The following EEA1 variants were observed in gnomAD, a reference collection of about 807,000 sequenced individuals.
EEA1 encodes early endosome antigen 1, 162kD.
A neutral mutation model predicts 209.2 loss-of-function variants in EEA1; 111 were observed. The observed-to-expected ratio is 0.53, with a 90% CI of 0.45 to 0.62. The LOEUF is 0.62. Among genes scored for constraint, EEA1 ranks in the 20% least tolerant of loss-of-function variants. The pLI is 0.00. For missense variants in EEA1, 1,343 were observed against 1,530.8 expected (o/e 0.88, Z 2.05); for synonymous variants, 536 against 540.6 (o/e 0.99, Z 0.12).
At chr12:92,835,125 C>T (rs888535445) in intron 10 of EEA1, among the ~76,000 whole-genome samples, 3 of 151,950 alleles carry the variant, frequency 2.0e-5, no homozygotes, top group Admixed American at 6.6e-5. Flanking sequence ...TCATGATCCG[C>T]CCACCTCGGC....
intron 1 of EEA1, among the ~76,000 whole-genome samples, chr12:92,910,325 C>T (rs141930812): frequency 1.0e-3 from 156 of 151,540 alleles, no homozygotes; most frequent in African/African-American, 3.6e-3. Flanking sequence ...AAAAATTAGC[C>T]GGGCATGGTG....
chr12:92,929,016 G>T, intron 1 of EEA1, 27 bp downstream of exon 1: 3 of 1,584,596 alleles, frequency 1.9e-6, no homozygotes, highest in Non-Finnish European at 2.6e-6. Context: ...CTCACGTGCT[G>T]CCAGAAAGAC....
At chr12:92,784,181 G>A (rs997681497) in intron 22 of EEA1, among the ~76,000 whole-genome samples, 15 of 152,136 alleles carry the variant, frequency 9.9e-5, no homozygotes, top group Admixed American at 9.8e-4. Flanking sequence ...GTACAAGCTG[G>A]TCTTTGACTT....
Position 92,776,056 on chromosome 12 carries a change from C to T in EEA1, c.4191G>A (p.Lys1397=). 1 of 1,611,536 alleles carries T rather than the reference C, an allele frequency of 6.2e-7. No individual in the cohort carries two copies. The highest frequency in any genetic ancestry group is 8.5e-7 in the Non-Finnish European group (1 of 1,178,402). ...AACATGCATCACAGACACGAACAGG[C>T]TTCTTGGAGGAAGGAGTTAAGGCAT... is the stretch of plus-strand genomic sequence containing the variant. ...AKNALTPSSK[K]PVRVCDACFN... Residue 1397 remains lysine, a synonymous_variant, in exon 29 of 29, where the codon AAG becomes AAA. Transcript: ENST00000322349.
chr12:92,850,411 C>T (rs973043590), intron 9 of EEA1, among the ~76,000 whole-genome samples: 4 of 152,122 alleles, frequency 2.6e-5, no homozygotes, highest in South Asian at 2.1e-4. Flanking sequence ...AGCTTATGGC[C>T]GGGTGCAGTG....
chr12:92,848,722 CTTTTTTTTTTTTTTTT>C (rs71069184), intron 9 of EEA1, among the ~76,000 whole-genome samples: 6 of 64,548 alleles, frequency 9.3e-5, no homozygotes, highest in Non-Finnish European at 1.4e-4. Flanking sequence ...ATATTCTCAC[CTTTTTTTTTTTTTTTT>C]TTTTTTTTTT....
At position 92,801,677 on chromosome 12, in the gene EEA1, G is replaced by A. The variant is rs558860975; in HGVS notation, c.2695C>T (p.His899Tyr). The change falls in exon 20 of 29, where the codon CAT becomes TAT. Residue 899 changes from histidine (H) to tyrosine (Y), a missense_variant. Coordinates refer to ENST00000322349, the MANE Select transcript of EEA1 (RefSeq NM_003566.4). Reference sequence around the variant, plus strand: ...TTTTCCATCTGCACTTGAAGTTGATGCTTTAATTCTTTGCAAGTTTTTTCC... The same window carrying A: ...TTTTCCATCTGCACTTGAAGTTGATACTTTAATTCTTTGCAAGTTTTTTCC... ...DLEKTCKELK[H>Y]QLQVQMENTL... 1.4e-5 allele frequency: 23 copies of A among 1,588,898 alleles called. No homozygotes were observed. Among genetic ancestry groups the A allele is most frequent in the Non-Finnish European group, 1.9e-5 (22 of 1,171,190 alleles).
chr12:92,874,468 C>T (rs1878789999), intron 2 of EEA1, among the ~76,000 whole-genome samples: 1 of 152,262 alleles, frequency 6.6e-6, no homozygotes, highest in African/African-American at 2.4e-5. Flanking sequence ...CAGGTTCAAG[C>T]GATTCTCCTG....
At chr12:92,915,485 C>G (rs1880731061) in intron 1 of EEA1, among the ~76,000 whole-genome samples, 1 of 149,868 alleles carries the variant, frequency 6.7e-6, no homozygotes, top group Non-Finnish European at 1.5e-5. Flanking sequence ...CAAAACAAAA[C>G]AAAACAAAAA....
rs1410584827 is a variant in EEA1 at position 92,816,351 on chromosome 12, T to C, written c.1778A>G (p.Gln593Arg). 6.2e-7 allele frequency: 1 copy of C among 1,613,874 alleles called. No individual in the cohort carries two copies. Among genetic ancestry groups the C allele is most frequent in the East Asian group, 2.2e-5 (1 of 44,884 alleles). The change falls in exon 15 of 29, where the codon CAA (glutamine) becomes CGA (arginine). Residue 593 changes from glutamine (Q) to arginine (R), a missense_variant. Gln to Arg is a conservative substitution (Grantham distance 43). Coordinates refer to ENST00000322349, the MANE Select transcript of EEA1 (RefSeq NM_003566.4). ...KLKNQSESHK[Q>R]AQENLHDQVQ... Reference sequence around the variant, plus strand: ...CTGGTCATGCAAATTCTCCTGGGCTTGTTTATGACTTTCTGACTGATTCTT... The same window carrying C: ...CTGGTCATGCAAATTCTCCTGGGCTCGTTTATGACTTTCTGACTGATTCTT...
At chr12:92,778,627 A>G (rs1873763665) in intron 25 of EEA1, among the ~76,000 whole-genome samples, 3 of 152,096 alleles carry the variant, frequency 2.0e-5, no homozygotes, top group Non-Finnish European at 2.9e-5. Context: ...AAAATATTCA[A>G]TGGCCAAGTT....
chr12:92,851,725 T>G (rs1877640053), intron 8 of EEA1, among the ~76,000 whole-genome samples: 1 of 152,150 alleles, frequency 6.6e-6, no homozygotes, highest in Non-Finnish European at 1.5e-5. Flanking sequence ...TCCAAGATTA[T>G]TAAGTCTTGG....
chr12:92,838,950 C>T (rs1209635275), intron 10 of EEA1, among the ~76,000 whole-genome samples: 4 of 151,742 alleles, frequency 2.6e-5, no homozygotes, highest in Admixed American at 1.3e-4. Context: ...CTAGAAAGAC[C>T]GACAGACTAT....
chr12:92,796,046 G>C (rs1874640476), intron 21 of EEA1, among the ~76,000 whole-genome samples: 1 of 150,544 alleles, frequency 6.6e-6, no homozygotes, highest in Admixed American at 6.6e-5. Context: ...AAAATTCTCT[G>C]TCTTTGAGGA....
At chr12:92,822,236 G>A (rs1011395321) in intron 13 of EEA1, among the ~76,000 whole-genome samples, 4 of 151,946 alleles carry the variant, frequency 2.6e-5, no homozygotes, top group Non-Finnish European at 4.4e-5. Context: ...CTACAGACAT[G>A]TCCAGGTCTC....
chr12:92,774,633 C>T lies in EEA1; in HGVS notation c.*1378G>A, dbSNP rs764963458. The T allele has an allele frequency of 1.8e-4, 27 of 151,586 alleles. No individual in the cohort carries two copies. Among genetic ancestry groups the T allele is most frequent in the Non-Finnish European group, 3.1e-4 (21 of 67,598 alleles). 9.4% of individuals were successfully genotyped at this position (151,586 alleles called of 1,614,324 possible). ...TTCCATTGTTCAGCATACAAATAAG[C>T]TAATTTCTTAATTATCCTTAAGATG... On this transcript the variant is annotated 3_prime_UTR_variant, in exon 29 of 29. Transcript: ENST00000322349.
chr12:92,880,552 G>A (rs1489553295), intron 2 of EEA1, among the ~76,000 whole-genome samples: 1 of 152,122 alleles, frequency 6.6e-6, no homozygotes, highest in Non-Finnish European at 1.5e-5. Context: ...TCGGCTCACT[G>A]TAAGCTCCAC....
At chr12:92,833,952 G>C (rs1315822031) in intron 10 of EEA1, among the ~76,000 whole-genome samples, 1 of 152,060 alleles carries the variant, frequency 6.6e-6, no homozygotes, top group African/African-American at 2.4e-5. Flanking sequence ...ATACAATGAA[G>C]TTTGAGCCTG....
intron 3 of EEA1, among the ~76,000 whole-genome samples, chr12:92,859,990 C>T (rs555167964): frequency 7.9e-4 from 121 of 152,322 alleles, no homozygotes; most frequent in Middle Eastern, 6.8e-3. Context: ...AAGGCAGTTA[C>T]CATTAAACCA....
Sources: allele counts gnomAD v4.1 joint callset (sites outside exome capture counted in the v4.1 genomes callset), GRCh38; gene constraint gnomAD v4.1.1; transcripts MANE v1.5; gene names NCBI Gene and HGNC (gene_info 2026-07-23, HGNC 2026-07-21).